ITGBL1: variants seen among roughly 807,000 people sequenced by gnomAD.
ITGBL1 encodes integrin subunit beta like 1.
A neutral mutation model predicts 68.5 loss-of-function variants in ITGBL1; 51 were observed. The observed-to-expected ratio is 0.74, with a 90% CI of 0.59 to 0.94. ITGBL1 has a LOEUF of 0.94. Among genes scored for constraint, ITGBL1 ranks in the 40% least tolerant of loss-of-function variants. The pLI, the probability that ITGBL1 is intolerant of heterozygous loss-of-function variation, is 0.00. For missense variants in ITGBL1, 649 were observed against 647.4 expected (o/e 1.00, Z -0.03); for synonymous variants, 209 against 227.3 (o/e 0.92, Z 0.72).
intron 2 of ITGBL1, among the ~76,000 whole-genome samples, chr13:101,542,360 G>T (rs1335848942): frequency 6.6e-6 from 1 of 152,204 alleles, no homozygotes; most frequent in African/African-American, 2.4e-5. Context: ...ATGTAGTTGA[G>T]CGGTTTTGAG....
chr13:101,562,252 A>G (rs1338527399), intron 2 of ITGBL1, among the ~76,000 whole-genome samples: 1 of 148,326 alleles, frequency 6.7e-6, no homozygotes, highest in Non-Finnish European at 1.5e-5. Flanking sequence ...CTCAATAAAC[A>G]AAACAGAAAG....
chr13:101,573,060 G>A (rs546536056), intron 3 of ITGBL1, among the ~76,000 whole-genome samples: 12 of 152,142 alleles, frequency 7.9e-5, no homozygotes, highest in African/African-American at 2.9e-4. Flanking sequence ...TTAATTTTAA[G>A]CATCTCATTA....
intron 9 of ITGBL1, 36 bp from the exon 10 acceptor site, chr13:101,714,402 T>C: frequency 2.6e-6 from 3 of 1,150,478 alleles, no homozygotes; most frequent in Non-Finnish European, 1.3e-6. Context: ...CCTTTAGTTA[T>C]AAGGTGATGG....
At chr13:101,699,513 C>G (rs1854306) in intron 8 of ITGBL1, among the ~76,000 whole-genome samples, 54,795 of 151,990 alleles carry the variant, frequency 0.36, 10,663 homozygotes, top group African/African-American at 0.47. Context: ...TAAGTTCTCA[C>G]GAGATCTGAA....
chr13:101,535,770 G>C (rs148067762), intron 2 of ITGBL1, among the ~76,000 whole-genome samples: 2 of 151,986 alleles, frequency 1.3e-5, no homozygotes, highest in African/African-American at 4.8e-5. Context: ...AAACTTTTGC[G>C]AAGAGTCTGA....
chr13:101,676,002 G>A (rs966809426), intron 7 of ITGBL1, among the ~76,000 whole-genome samples: 1 of 151,818 alleles, frequency 6.6e-6, no homozygotes, highest in South Asian at 2.1e-4. Context: ...CACTTTATTT[G>A]TTTTTTACAG....
At chr13:101,637,444 A>C (rs549092719) in intron 7 of ITGBL1, among the ~76,000 whole-genome samples, 5 of 151,264 alleles carry the variant, frequency 3.3e-5, no homozygotes, top group South Asian at 2.1e-4. Flanking sequence ...CCTGGGTTCA[A>C]GCCATTCTCC....
intron 7 of ITGBL1, among the ~76,000 whole-genome samples, chr13:101,649,742 C>G (rs1340176352): frequency 6.6e-6 from 1 of 152,134 alleles, no homozygotes; most frequent in African/African-American, 2.4e-5. Context: ...ATGTATTCAC[C>G]ACACTACCTT....
intron 5 of ITGBL1, among the ~76,000 whole-genome samples, chr13:101,580,683 C>T (rs2050441891): frequency 6.6e-6 from 1 of 152,120 alleles, no homozygotes; most frequent in African/African-American, 2.4e-5. Context: ...GTAGGGGTCA[C>T]AGTCACCATT....
chr13:101,715,465 G>T, intron 10 of ITGBL1, 98 bp from the exon 11 acceptor site: 1 of 850,948 alleles, frequency 1.2e-6, no homozygotes, highest in Non-Finnish European at 2.0e-6. Flanking sequence ...AAGGATGAAT[G>T]AAATGATTTC....
Position 101,602,668 on chromosome 13 carries a change from A to G in ITGBL1, c.1015+4369A>G, listed in dbSNP as rs575648855. ...AATTATGCAGCCATCACCACTGTCC[A>G]ATTCCAAAAAAAAAGTTTATCATCA... On this transcript the variant is annotated intron_variant, in intron 7 of 10. Transcript: ENST00000376180. 1.6e-3 allele frequency among the ~76,000 whole-genome samples: 238 copies of G among 152,028 alleles called. 1 individual carries two copies. The highest frequency in any genetic ancestry group is 5.6e-3 in the African/African-American group (233 of 41,516).
chr13:101,677,906 A>G (rs930294647), intron 7 of ITGBL1, among the ~76,000 whole-genome samples: 3 of 152,310 alleles, frequency 2.0e-5, no homozygotes, highest in African/African-American at 7.2e-5. Context: ...AATGGCTTAC[A>G]TCCCGAATAT....
At chr13:101,506,183 G>A (rs1774244853) in intron 2 of ITGBL1, among the ~76,000 whole-genome samples, 1 of 152,162 alleles carries the variant, frequency 6.6e-6, no homozygotes, top group African/African-American at 2.4e-5. Context: ...GTACTGCTGA[G>A]CCAAATAAGA....
At chr13:101,661,778 G>A (rs943246303) in intron 7 of ITGBL1, among the ~76,000 whole-genome samples, 4 of 151,966 alleles carry the variant, frequency 2.6e-5, no homozygotes, top group Admixed American at 6.6e-5. Context: ...GAAGATAAAC[G>A]AGAAACTTAG....
intron 2 of ITGBL1, among the ~76,000 whole-genome samples, chr13:101,533,380 G>T: frequency 6.6e-6 from 1 of 152,096 alleles, no homozygotes. Context: ...TGCAACCCAG[G>T]GATTGGACCT....
At chr13:101,656,165 A>T (rs2032917395) in intron 7 of ITGBL1, among the ~76,000 whole-genome samples, 1 of 152,024 alleles carries the variant, frequency 6.6e-6, no homozygotes, top group Non-Finnish European at 1.5e-5. Flanking sequence ...TCAGATTAAG[A>T]TAAGAGACTG....
intron 4 of ITGBL1, among the ~76,000 whole-genome samples, chr13:101,576,731 G>A (rs2050366358): frequency 6.6e-6 from 1 of 152,018 alleles, no homozygotes; most frequent in African/African-American, 2.4e-5. Context: ...GGCCTGATTG[G>A]CCCTCCCTCC....
downstream of ITGBL1, chr13:101,717,055 C>T (rs2034751513): frequency 6.6e-6 from 1 of 151,594 alleles, no homozygotes; most frequent in Non-Finnish European, 1.5e-5. Flanking sequence ...TTTGTAAAAT[C>T]CTAGAATAAT....
At chr13:101,672,879 C>T (rs983723244) in intron 7 of ITGBL1, among the ~76,000 whole-genome samples, 1 of 152,136 alleles carries the variant, frequency 6.6e-6, no homozygotes, top group Non-Finnish European at 1.5e-5. Context: ...ACAATGATGC[C>T]ACTTCACTTG....
Sources: allele counts gnomAD v4.1 joint callset (sites outside exome capture counted in the v4.1 genomes callset), GRCh38; gene constraint gnomAD v4.1.1; transcripts MANE v1.5; gene names NCBI Gene and HGNC (gene_info 2026-07-23, HGNC 2026-07-21).